Variants in ZDHHC21 observed in about 807,000 individuals in gnomAD.
ZDHHC21 encodes the protein palmitoyltransferase ZDHHC21.
ZDHHC21 carries 15 observed loss-of-function variants against 34.6 expected under a neutral mutation model. That is an observed-to-expected ratio of 0.43 (90% CI 0.29 to 0.67). The LOEUF is 0.67. Ranked by LOEUF, ZDHHC21 falls within the 30% of genes least tolerant of loss-of-function variation. The pLI, the probability that ZDHHC21 is intolerant of heterozygous loss-of-function variation, is 0.14. For missense variants in ZDHHC21, 344 were observed against 327.7 expected (o/e 1.05, Z -0.38); for synonymous variants, 142 against 101.8 (o/e 1.40, Z -2.38).
At position 14,662,250 on chromosome 9, in the gene ZDHHC21, G is replaced by A. The variant is rs750450467; in HGVS notation, c.330C>T (p.Gly110=). 2 of 1,612,692 alleles carry A rather than the reference G, an allele frequency of 1.2e-6. No individual in the cohort carries two copies. Among genetic ancestry groups the A allele is most frequent in the African/African-American group, 2.7e-5 (2 of 74,858 alleles). ...GATGATCCATTCTCCTCACACAGTG[G>A]CCGCAGCGGCTACAGTGATGGGAAC... ...PKRSHHCSRC[G]HCVRRMDHHC... The change falls in exon 6 of 10, where the codon GGC becomes GGT. Residue 110 remains glycine, a synonymous_variant. Transcript: ENST00000380916.
rs138224120 is a variant in ZDHHC21, at chr9:14,679,026, C to T, written c.-46+1007G>A. ...GACCAGGAAGAGGCATGAGGGAACT[C>T]TCTGTGGTGCTAACAAGCATGTTTC... On this transcript the variant is annotated intron_variant, in intron 3 of 9. Coordinates refer to ENST00000380916, the MANE Select transcript of ZDHHC21 (RefSeq NM_178566.6). Among the ~76,000 whole-genome samples the T allele has an allele frequency of 4.5e-3, 677 of 152,134 alleles. 7 individuals carry two copies. The highest frequency in any genetic ancestry group is 0.014 in the Middle Eastern group (4 of 294).
At chr9:14,598,373 A>C in the ZDHHC21 span, among the ~76,000 whole-genome samples, 1 of 152,160 alleles carries the variant, frequency 6.6e-6, no homozygotes, top group Admixed American at 6.5e-5. Flanking sequence ...TAATACGACG[A>C]CTATACTACT....
intron 5 of ZDHHC21, among the ~76,000 whole-genome samples, chr9:14,667,337 C>A (rs1190015896): frequency 1.3e-5 from 2 of 150,626 alleles, no homozygotes; most frequent in Non-Finnish European, 3.0e-5. Flanking sequence ...ATAACAGGAG[C>A]TGAAATTGTG....
intron 7 of ZDHHC21, among the ~76,000 whole-genome samples, chr9:14,657,558 C>T (rs943692248): frequency 1.3e-5 from 2 of 152,126 alleles, no homozygotes; most frequent in Admixed American, 1.3e-4. Context: ...ACAGACCATA[C>T]AGTCTCTGCC....
At chr9:14,670,126 G>A (rs1215022692) in intron 5 of ZDHHC21, among the ~76,000 whole-genome samples, 4 of 152,130 alleles carry the variant, frequency 2.6e-5, no homozygotes, top group South Asian at 2.1e-4. Flanking sequence ...ACTAAAAGGC[G>A]ATATAAAAAT....
At chr9:14,671,521 G>A (rs1202771903) in intron 5 of ZDHHC21, among the ~76,000 whole-genome samples, 2 of 152,036 alleles carry the variant, frequency 1.3e-5, no homozygotes, top group Non-Finnish European at 2.9e-5. Flanking sequence ...AACTATGAGT[G>A]AATACATGAC....
the ZDHHC21 span, chr9:14,589,394 A>G: frequency 6.6e-6 from 1 of 152,212 alleles, no homozygotes. Flanking sequence ...GACTCCTGAA[A>G]TTCCCTTAGA....
intron 7 of ZDHHC21, among the ~76,000 whole-genome samples, chr9:14,657,203 T>A (rs1832401322): frequency 6.6e-6 from 1 of 152,100 alleles, no homozygotes; most frequent in African/African-American, 2.4e-5. Flanking sequence ...AAATGGTTAC[T>A]GTAAAACGGT....
chr9:14,630,390 C>T (rs1827123681), intron 8 of ZDHHC21, among the ~76,000 whole-genome samples: 1 of 152,098 alleles, frequency 6.6e-6, no homozygotes, highest in East Asian at 1.9e-4. Flanking sequence ...TCACATCTTC[C>T]ACTTCTTATT....
intron 7 of ZDHHC21, among the ~76,000 whole-genome samples, chr9:14,646,166 C>T (rs998781494): frequency 8.5e-5 from 13 of 152,110 alleles, no homozygotes; most frequent in South Asian, 4.2e-4. Context: ...ATCAACAGAA[C>T]GAATAAATGG....
chr9:14,692,078 G>A (rs555041499), intron 1 of ZDHHC21, among the ~76,000 whole-genome samples: 1 of 152,218 alleles, frequency 6.6e-6, no homozygotes, highest in Non-Finnish European at 1.5e-5. Flanking sequence ...TCTTTCCAGT[G>A]GATTTCTCAC....
At chr9:14,642,229 AC>A (rs1452386132) in intron 7 of ZDHHC21, among the ~76,000 whole-genome samples, 2 of 152,238 alleles carry the variant, frequency 1.3e-5, no homozygotes, top group Non-Finnish European at 2.9e-5. Flanking sequence ...TTTCAAAAAA[AC>A]AACTGTATTC....
At chr9:14,671,774 T>C (rs1399859178) in intron 5 of ZDHHC21, among the ~76,000 whole-genome samples, 3 of 152,150 alleles carry the variant, frequency 2.0e-5, no homozygotes, top group Admixed American at 2.0e-4. Flanking sequence ...CATAGAATTG[T>C]ACACTCTAAC....
At chr9:14,600,535 G>A in the ZDHHC21 span, among the ~76,000 whole-genome samples, 2 of 152,182 alleles carry the variant, frequency 1.3e-5, no homozygotes, top group African/African-American at 2.4e-5. Flanking sequence ...ATTCCATGCT[G>A]ATGGATAGGA....
At chr9:14,661,595 ATT>A (rs1468183282) in intron 6 of ZDHHC21, among the ~76,000 whole-genome samples, 1 of 152,182 alleles carries the variant, frequency 6.6e-6, no homozygotes, top group African/African-American at 2.4e-5. Context: ...TTCACGCAGC[ATT>A]TGTTTTCGAA....
At chr9:14,692,742 C>T (rs1839339562) in intron 1 of ZDHHC21, among the ~76,000 whole-genome samples, 1 of 152,036 alleles carries the variant, frequency 6.6e-6, no homozygotes. Flanking sequence ...AAGGAGCAAA[C>T]TGTTTGTCCT....
intron 7 of ZDHHC21, among the ~76,000 whole-genome samples, chr9:14,652,842 A>T (rs1265922311): frequency 1.3e-5 from 2 of 152,056 alleles, no homozygotes; most frequent in Non-Finnish European, 2.9e-5. Flanking sequence ...TCGCCTTAAA[A>T]AACAAGAAAA....
the ZDHHC21 span, among the ~76,000 whole-genome samples, chr9:14,602,615 G>T: frequency 1.3e-5 from 2 of 152,046 alleles, no homozygotes; most frequent in Non-Finnish European, 2.9e-5. Flanking sequence ...TCACATATAA[G>T]GAAATCCCCA....
At position 14,618,686 on chromosome 9, in the gene ZDHHC21, C is replaced by T. The variant is rs188929937; in HGVS notation, c.*280G>A. On this transcript the variant is annotated 3_prime_UTR_variant, in exon 10 of 10. Transcript: ENST00000380916. ...AATAAATTATGTACAATTATTTCAT[C>T]CTAATCACTGCCTTTTGAGTTTAAT... The T allele has an allele frequency of 3.7e-4, 99 of 269,686 alleles. No homozygotes were observed. The highest frequency in any genetic ancestry group is 1.9e-3 in the African/African-American group (88 of 45,576). The allele number at this position is 269,686 out of a possible 1,614,324, so 16.7% of individuals were successfully genotyped here.
Sources: gnomAD v4.1 joint callset for allele counts (sites outside exome capture counted in the v4.1 genomes callset) on GRCh38, gnomAD v4.1.1 for gene constraint, MANE v1.5 for transcripts, NCBI Gene and HGNC (gene_info 2026-07-23, HGNC 2026-07-21) for gene names.